The following GTF2E1 variants were observed in gnomAD, a reference collection of about 807,000 sequenced individuals.
The protein encoded by GTF2E1 is TFIIE alpha subunit.
GTF2E1 carries 14 observed loss-of-function variants against 34.9 expected under a neutral mutation model. The ratio of observed to expected loss-of-function variants is 0.40; its 90% CI spans 0.27 to 0.63. GTF2E1 has a LOEUF of 0.63. Among genes scored for constraint, GTF2E1 ranks in the 20% least tolerant of loss-of-function variants. The pLI, the probability that GTF2E1 is intolerant of heterozygous loss-of-function variation, is 0.39. For synonymous variants in GTF2E1, 188 were observed against 192.9 expected (o/e 0.97, Z 0.21); for missense variants, 469 against 557.7 (o/e 0.84, Z 1.60).
intron 2 of GTF2E1, among the ~76,000 whole-genome samples, chr3:120,756,410 A>G (rs911747611): frequency 1.7e-4 from 26 of 150,908 alleles, no homozygotes; most frequent in Admixed American, 1.1e-3. Context: ...CTTATCCAGC[A>G]TGGGTTAGAC....
At position 120,750,990 on chromosome 3, in the gene GTF2E1, T is replaced by A; in HGVS notation, c.438T>A (p.Asp146Glu). 1 of 1,607,748 alleles carries A rather than the reference T, an allele frequency of 6.2e-7. No individual in the cohort carries two copies. The highest frequency in any genetic ancestry group is 8.5e-7 in the Non-Finnish European group (1 of 1,174,844). Residue 146 changes from aspartate to glutamate, a missense_variant, in exon 2 of 5, where the codon GAT becomes GAA. Transcript: ENST00000283875. ...ACTTAGAAGCTAATCAGCTCTTTGATCCTATGACAGGTGAGGTTTATCCAG... is the reference window on the plus strand; with the variant it reads ...ACTTAGAAGCTAATCAGCTCTTTGAACCTATGACAGGTGAGGTTTATCCAG... The part of the protein sequence containing the change: ...FTDLEANQLF[D>E]PMTGTFRCTF...
At chr3:120,758,309 TAC>T (rs1709227571) in intron 2 of GTF2E1, among the ~76,000 whole-genome samples, 1 of 152,176 alleles carries the variant, frequency 6.6e-6, no homozygotes, top group Admixed American at 6.5e-5. Context: ...ACAGAGAAAC[TAC>T]GAAGTTTTTG....
At chr3:120,779,129 T>A (rs1709426356) in intron 4 of GTF2E1, among the ~76,000 whole-genome samples, 1 of 152,216 alleles carries the variant, frequency 6.6e-6, no homozygotes, top group African/African-American at 2.4e-5. Flanking sequence ...TTGTTTTCTG[T>A]CTTCATCTGT....
At chr3:120,768,885 T>C (rs1266994888) in intron 2 of GTF2E1, among the ~76,000 whole-genome samples, 2 of 152,220 alleles carry the variant, frequency 1.3e-5, no homozygotes, top group Admixed American at 1.3e-4. Flanking sequence ...TTTTCAACTC[T>C]TGTTGGCCTC....
chr3:120,757,877 T>A (rs760870774), intron 2 of GTF2E1, among the ~76,000 whole-genome samples: 2 of 152,208 alleles, frequency 1.3e-5, no homozygotes, highest in Non-Finnish European at 2.9e-5. Flanking sequence ...ATAAGTAATA[T>A]ATGGCTGGGA....
At chr3:120,773,399 T>C (rs1385129149) in intron 3 of GTF2E1, among the ~76,000 whole-genome samples, 1 of 152,150 alleles carries the variant, frequency 6.6e-6, no homozygotes, top group Non-Finnish European at 1.5e-5. Flanking sequence ...TTTCTTTTTT[T>C]AAATAAGTGG....
intron 2 of GTF2E1, among the ~76,000 whole-genome samples, chr3:120,762,567 T>C (rs1576359624): frequency 6.6e-6 from 1 of 152,318 alleles, no homozygotes; most frequent in African/African-American, 2.4e-5. Flanking sequence ...TAATATTGTA[T>C]AGTTTTATTT....
At chr3:120,748,526 G>T (rs866069076) in intron 1 of GTF2E1, among the ~76,000 whole-genome samples, 2 of 152,138 alleles carry the variant, frequency 1.3e-5, no homozygotes, top group African/African-American at 4.8e-5. Context: ...CCCATTGCTT[G>T]TTTTTCTCAG....
intron 1 of GTF2E1, among the ~76,000 whole-genome samples, chr3:120,745,449 G>A (rs189558691): frequency 6.6e-6 from 1 of 152,150 alleles, no homozygotes; most frequent in Admixed American, 6.6e-5. Context: ...TATATAATAG[G>A]GACTTTTGCT....
intron 3 of GTF2E1, 104 bp from the exon 4 acceptor site, chr3:120,776,319 T>C: frequency 1.0e-6 from 1 of 980,522 alleles, no homozygotes; most frequent in Non-Finnish European, 1.5e-6. Context: ...CTAGGTAGCA[T>C]TTACATGTAG....
chr3:120,766,663 C>G (rs1405391478), intron 2 of GTF2E1, among the ~76,000 whole-genome samples: 1 of 152,078 alleles, frequency 6.6e-6, no homozygotes, highest in Non-Finnish European at 1.5e-5. Context: ...CTAGTGTCCT[C>G]AGCTAGAAGT....
chr3:120,778,535 C>T (rs1709419991), intron 4 of GTF2E1, among the ~76,000 whole-genome samples: 1 of 152,188 alleles, frequency 6.6e-6, no homozygotes, highest in Admixed American at 6.5e-5. Flanking sequence ...TTTCCTTAAA[C>T]AGTTCTCTTT....
chr3:120,767,211 C>G (rs1709316787), intron 2 of GTF2E1, among the ~76,000 whole-genome samples: 2 of 152,064 alleles, frequency 1.3e-5, no homozygotes, highest in South Asian at 4.1e-4. Flanking sequence ...TTATGCATGT[C>G]TTGGCAAGCA....
rs749566887 is a variant in GTF2E1, at chr3:120,781,359, C to T, written c.1209C>T (p.Phe403=). Residue 403 remains phenylalanine, a synonymous_variant, in exon 5 of 5, where the codon TTC becomes TTT. Coordinates refer to ENST00000283875, the MANE Select transcript of GTF2E1 (RefSeq NM_005513.3). ...DPIVMVAGRP[F]SYSEVSQRPE... is the part of the protein sequence containing the mutation. ...TTGTCATGGTGGCTGGCCGTCCGTT[C>T]TCCTACAGTGAAGTGAGCCAACGGC... 4 of 1,613,950 alleles carry T rather than the reference C, an allele frequency of 2.5e-6. No individual in the cohort carries two copies. The highest frequency in any genetic ancestry group is 3.4e-6 in the Non-Finnish European group (4 of 1,179,934).
Position 120,750,962 on chromosome 3 carries a change from C to G in GTF2E1, c.410C>G (p.Thr137Arg), listed in dbSNP as rs1437133271. ...TGTCCTGTCTGTAGTAGTACTTTCA[C>G]AGACTTAGAAGCTAATCAGCTCTTT... Reference protein sequence around the residue: ...FKCPVCSSTFTDLEANQLFDP... With the variant: ...FKCPVCSSTFRDLEANQLFDP... The change falls in exon 2 of 5, where the codon ACA becomes AGA. Residue 137 changes from threonine (T) to arginine (R), a missense_variant. Physicochemically the swap from Thr to Arg is moderately conservative, Grantham distance 71 (BLOSUM62 -1). Coordinates refer to ENST00000283875, the MANE Select transcript of GTF2E1 (RefSeq NM_005513.3). The G allele has an allele frequency of 6.2e-7, 1 of 1,613,776 alleles. No homozygotes were observed. The highest frequency in any genetic ancestry group is 8.5e-7 in the Non-Finnish European group (1 of 1,179,736).
At chr3:120,756,297 T>C (rs1709208803) in intron 2 of GTF2E1, among the ~76,000 whole-genome samples, 1 of 152,102 alleles carries the variant, frequency 6.6e-6, no homozygotes, top group Admixed American at 6.6e-5. Context: ...GGAGGTATCT[T>C]ATAAGCAGTG....
intron 1 of GTF2E1, among the ~76,000 whole-genome samples, chr3:120,746,793 C>G (rs367634761): frequency 1.3e-5 from 2 of 152,236 alleles, no homozygotes; most frequent in South Asian, 4.1e-4. Context: ...GCAAGACACT[C>G]TCTCTATGAA....
chr3:120,753,207 C>A (rs1709180742), intron 2 of GTF2E1, among the ~76,000 whole-genome samples: 1 of 151,282 alleles, frequency 6.6e-6, no homozygotes, highest in South Asian at 2.1e-4. Flanking sequence ...CTCTATTATT[C>A]TTTCTTGTTT....
At chr3:120,760,674 T>A (rs1345402598) in intron 2 of GTF2E1, among the ~76,000 whole-genome samples, 1 of 152,200 alleles carries the variant, frequency 6.6e-6, no homozygotes, top group Non-Finnish European at 1.5e-5. Context: ...CTGCATCTAT[T>A]GAGATAATCG....
Sources: allele counts gnomAD v4.1 joint callset (sites outside exome capture counted in the v4.1 genomes callset), GRCh38; gene constraint gnomAD v4.1.1; transcripts MANE v1.5; gene names NCBI Gene and HGNC (gene_info 2026-07-23, HGNC 2026-07-21).